PTPRN2: variants seen among roughly 807,000 people sequenced by gnomAD.
PTPRN2 encodes protein tyrosine phosphatase receptor type N2, also known as receptor-type tyrosine-protein phosphatase N2.
In PTPRN2, 74 loss-of-function variants were observed where a neutral mutation model predicts 118.8. The ratio of observed to expected loss-of-function variants is 0.62; its 90% CI spans 0.52 to 0.76. PTPRN2 has a LOEUF of 0.76. Among genes scored for constraint, PTPRN2 ranks in the 30% least tolerant of loss-of-function variants. The probability of loss-of-function intolerance (pLI) is 0.00; values close to 1 mark genes in which losing one functional copy is unlikely to be tolerated. For missense variants in PTPRN2, 1,481 were observed against 1,394.4 expected (o/e 1.06, Z -0.99); for synonymous variants, 641 against 608.0 (o/e 1.05, Z -0.80).
At chr7:157,802,271 T>A (rs1357601898) in intron 12 of PTPRN2, among the ~76,000 whole-genome samples, 1 of 152,186 alleles carries the variant, frequency 6.6e-6, no homozygotes, top group Admixed American at 6.5e-5. Context: ...GCAGCCTCCA[T>A]CCTCCTCTCT....
intron 2 of PTPRN2, among the ~76,000 whole-genome samples, chr7:158,381,854 G>A (rs1290965884): frequency 1.3e-5 from 2 of 152,176 alleles, no homozygotes; most frequent in Non-Finnish European, 1.5e-5. Flanking sequence ...GCAGGTAAGA[G>A]AGAGTTTGTG....
chr7:157,595,626 G>A (rs1451625580), intron 16 of PTPRN2, among the ~76,000 whole-genome samples: 3 of 149,378 alleles, frequency 2.0e-5, no homozygotes, highest in African/African-American at 7.5e-5. Context: ...GAAGCCAGGA[G>A]GTTAGGAAGC....
chr7:158,469,879 C>G (rs1819721406), intron 2 of PTPRN2, among the ~76,000 whole-genome samples: 1 of 148,696 alleles, frequency 6.7e-6, no homozygotes, highest in African/African-American at 2.5e-5. Flanking sequence ...CCTAGTGCAT[C>G]ATAAAAGAAT....
intron 3 of PTPRN2, among the ~76,000 whole-genome samples, chr7:158,279,713 TC>T (rs201125657): frequency 0.01 from 1,573 of 151,820 alleles, 35 homozygotes; most frequent in African/African-American, 0.036. Context: ...TCCGCGCTTC[TC>T]CCTCCACACC....
At chr7:158,443,965 G>A (rs1223832343) in intron 2 of PTPRN2, among the ~76,000 whole-genome samples, 1 of 152,188 alleles carries the variant, frequency 6.6e-6, no homozygotes, top group Non-Finnish European at 1.5e-5. Flanking sequence ...CCCAAGTCCT[G>A]GGTGTCTGGG....
chr7:158,283,050 T>C (rs985307932), intron 3 of PTPRN2, among the ~76,000 whole-genome samples: 1 of 152,130 alleles, frequency 6.6e-6, no homozygotes, highest in African/African-American at 2.4e-5. Context: ...TGCTCCCACA[T>C]GCAGGGGCCT....
chr7:157,540,743 T>C lies in PTPRN2; in HGVS notation c.3019A>G (p.Asn1007Asp). Residue 1007 changes from asparagine (N) to aspartate (D), a missense_variant, in exon 23 of 23, where the codon AAC becomes GAC. By Grantham distance (23) the Asn-to-Asp change is conservative. Around this residue, in one of 3 missense-constraint regions of PTPRN2, gnomAD observed 362 missense variants for 384.1 expected, o/e 0.94. Coordinates refer to ENST00000389418, the MANE Select transcript of PTPRN2 (RefSeq NM_002847.5). ...TGGGGAAGGGCCTTGAGGATGGCGTTCACCTCCTCAGCCACGGCTGTCAGC... is the reference window on the plus strand; with the variant it reads ...TGGGGAAGGGCCTTGAGGATGGCGTCCACCTCCTCAGCCACGGCTGTCAGC... ...FALTAVAEEV[N>D]AILKALPQ 1 of 1,567,946 alleles carries C rather than the reference T, an allele frequency of 6.4e-7. No homozygotes were observed. The highest frequency in any genetic ancestry group is 1.2e-5 in the South Asian group (1 of 84,972).
intron 2 of PTPRN2, among the ~76,000 whole-genome samples, chr7:158,486,032 T>C (rs141544498): frequency 4.9e-4 from 75 of 152,352 alleles, no homozygotes; most frequent in African/African-American, 1.6e-3. Context: ...TTCTCCTTTG[T>C]TTAATATTAA....
chr7:157,541,289 A>G (rs1034704293), intron 22 of PTPRN2, among the ~76,000 whole-genome samples: 7 of 152,106 alleles, frequency 4.6e-5, no homozygotes, highest in Non-Finnish European at 1.0e-4. Context: ...TTTGAAATCC[A>G]CCTGTTACTC....
intron 2 of PTPRN2, among the ~76,000 whole-genome samples, chr7:158,460,022 G>T (rs112102168): frequency 0.14 from 3,004 of 20,780 alleles, no homozygotes; most frequent in Middle Eastern, 0.23. Context: ...TCCTAGAGGG[G>T]CTGTGTGCCG....
At chr7:157,965,819 A>T (rs1801884187) in intron 11 of PTPRN2, among the ~76,000 whole-genome samples, 1 of 152,250 alleles carries the variant, frequency 6.6e-6, no homozygotes, top group Non-Finnish European at 1.5e-5. Flanking sequence ...CTGCTTCAAA[A>T]ATAAGAGCCC....
chr7:157,873,087 CCCTGTCT>C (rs1811210553), intron 12 of PTPRN2, among the ~76,000 whole-genome samples: 1 of 152,250 alleles, frequency 6.6e-6, no homozygotes, highest in Admixed American at 6.5e-5. Context: ...CTCACCCGAG[CCCTGTCT>C]CCTAGGCTCT....
chr7:158,133,613 C>A, intron 9 of PTPRN2, 64 bp downstream of exon 9: 1 of 1,506,558 alleles, frequency 6.6e-7, no homozygotes, highest in South Asian at 1.3e-5. Context: ...AGGCGCCCCA[C>A]CTCCAGCCTG....
chr7:157,909,431 C>A (rs1345531003), intron 11 of PTPRN2, among the ~76,000 whole-genome samples: 1 of 152,222 alleles, frequency 6.6e-6, no homozygotes, highest in Non-Finnish European at 1.5e-5. Context: ...TCAAGCCTCT[C>A]CTCAAAGCCC....
chr7:158,470,009 A>C (rs1359351584), intron 2 of PTPRN2, among the ~76,000 whole-genome samples: 1 of 151,744 alleles, frequency 6.6e-6, no homozygotes, highest in African/African-American at 2.4e-5. Flanking sequence ...GCCTCATAAA[A>C]GAATTGGGAG....
Position 158,509,234 on chromosome 7 carries a change from AGGCGG to A in PTPRN2, c.113-19454_113-19450del, listed in dbSNP as rs1447280549. On this transcript the variant is annotated intron_variant, in intron 1 of 22. Coordinates refer to ENST00000389418, the MANE Select transcript of PTPRN2 (RefSeq NM_002847.5). The surrounding 1 kb of genome is among the most constrained non-coding windows in gnomAD (Gnocchi z 4.4). ...TGCAGCTCACAGGGTCCTTGCTCAAAGGCGGCAGCAAATGCACCATCCACTTCCTT... is the reference window on the plus strand; with the variant it reads ...TGCAGCTCACAGGGTCCTTGCTCAAACAGCAAATGCACCATCCACTTCCTT... Among the ~76,000 whole-genome samples the A allele has an allele frequency of 3.3e-5, 5 of 152,160 alleles. No individual in the cohort carries two copies. Among genetic ancestry groups the A allele is most frequent in the Non-Finnish European group, 7.4e-5 (5 of 68,016 alleles).
chr7:158,571,512 C>A (rs12698259), intron 1 of PTPRN2, among the ~76,000 whole-genome samples: 61,584 of 129,900 alleles, frequency 0.47, 14,683 homozygotes, highest in South Asian at 0.65. Context: ...CAAAAAAAAA[C>A]ACACACCTAT....
At chr7:157,721,604 C>T (rs376631695) in intron 12 of PTPRN2, among the ~76,000 whole-genome samples, 3 of 152,192 alleles carry the variant, frequency 2.0e-5, no homozygotes, top group East Asian at 3.9e-4. Context: ...TCCACTGAGT[C>T]GCAGCTCCCC....
intron 3 of PTPRN2, among the ~76,000 whole-genome samples, chr7:158,316,209 GCA>G (rs995103886): frequency 3.3e-5 from 5 of 152,096 alleles, no homozygotes; most frequent in African/African-American, 1.2e-4. Flanking sequence ...CCTTCCCTAC[GCA>G]CAGTGCTCCT....
Sources: allele counts gnomAD v4.1 joint callset (sites outside exome capture counted in the v4.1 genomes callset), GRCh38; gene constraint gnomAD v4.1.1; regional missense constraint gnomAD v4.1.1; non-coding constraint Gnocchi (gnomAD v3.1); transcripts MANE v1.5; gene names NCBI Gene and HGNC (gene_info 2026-07-23, HGNC 2026-07-21).